The following DOCK2 variants were observed in gnomAD, a reference collection of about 807,000 sequenced individuals.
DOCK2 encodes dedicator of cytokinesis protein 2.
Under a neutral mutation model 248.9 loss-of-function variants are expected in DOCK2, and 87 were observed. The ratio of observed to expected loss-of-function variants is 0.35; its 90% CI spans 0.29 to 0.42. DOCK2 has a LOEUF of 0.42. DOCK2 is among the 10% of genes least tolerant of loss of function. The pLI, the probability that DOCK2 is intolerant of heterozygous loss-of-function variation, is 1.00. For missense variants in DOCK2, 1,747 were observed against 2,300.2 expected (o/e 0.76, Z 4.92); for synonymous variants, 805 against 821.6 (o/e 0.98, Z 0.35).
At chr5:169,925,128 A>G (rs971550758) in intron 27 of DOCK2, among the ~76,000 whole-genome samples, 3 of 151,736 alleles carry the variant, frequency 2.0e-5, no homozygotes, top group African/African-American at 7.3e-5. Context: ...TGTTCTTTTT[A>G]TGGAAGGCCA....
chr5:169,918,185 C>A (rs965173747), intron 27 of DOCK2, among the ~76,000 whole-genome samples: 1 of 152,192 alleles, frequency 6.6e-6, no homozygotes, highest in Non-Finnish European at 1.5e-5. Context: ...AATACAGAAA[C>A]CACATATGAT....
intron 22 of DOCK2, among the ~76,000 whole-genome samples, chr5:169,736,632 G>A (rs1274796473): frequency 1.3e-5 from 2 of 152,194 alleles, no homozygotes; most frequent in Non-Finnish European, 2.9e-5. Context: ...GGAATATAAA[G>A]ATGGTGAACA....
At chr5:169,988,998 A>G (rs569106966) in intron 29 of DOCK2, among the ~76,000 whole-genome samples, 6 of 152,330 alleles carry the variant, frequency 3.9e-5, no homozygotes, top group South Asian at 2.1e-4. Context: ...TGGACATTCC[A>G]ACTAACTTTT....
intron 22 of DOCK2, among the ~76,000 whole-genome samples, chr5:169,738,735 A>G (rs1459057710): frequency 6.6e-6 from 1 of 152,226 alleles, no homozygotes; most frequent in Admixed American, 6.5e-5. Flanking sequence ...GAAGCCAGAT[A>G]AGAATCCTGG....
At chr5:169,946,120 G>A (rs1184793932) in intron 27 of DOCK2, among the ~76,000 whole-genome samples, 1 of 152,190 alleles carries the variant, frequency 6.6e-6, no homozygotes, top group African/African-American at 2.4e-5. Flanking sequence ...TCTCAGCACA[G>A]CAAATATGAG....
intron 23 of DOCK2, among the ~76,000 whole-genome samples, chr5:169,748,962 G>A (rs993292512): frequency 1.3e-5 from 2 of 152,318 alleles, no homozygotes; most frequent in South Asian, 4.1e-4. Context: ...ATGTGCCTAA[G>A]GCTACATGCC....
chr5:170,005,405 T>A (rs902775259), intron 30 of DOCK2, among the ~76,000 whole-genome samples: 1 of 152,128 alleles, frequency 6.6e-6, no homozygotes, highest in Admixed American at 6.5e-5. Context: ...AAGACAGGAT[T>A]TGGGTACTTG....
intron 1 of DOCK2, among the ~76,000 whole-genome samples, chr5:169,646,778 T>A (rs1399770311): frequency 6.6e-6 from 1 of 152,254 alleles, no homozygotes; most frequent in African/African-American, 2.4e-5. Context: ...CAAAATGTGC[T>A]TATTTTACTC....
rs558998290 is a variant in DOCK2 at position 169,979,461 on chromosome 5, C to G, written c.2800-3607C>G. Among the ~76,000 whole-genome samples, 3 of 152,292 alleles carry G rather than the reference C, an allele frequency of 2.0e-5. No homozygotes were observed. In the East Asian group the frequency reaches 5.8e-4, roughly 29 times the overall value. ...AAAATGTTATTCCATGATTCTATCG[C>G]TGTATGACAAAAGAGGTGGTTTTTA... On this transcript the variant is annotated intron_variant, in intron 27 of 51. Coordinates refer to ENST00000520908, the MANE Select transcript of DOCK2 (RefSeq NM_004946.3).
intron 27 of DOCK2, among the ~76,000 whole-genome samples, chr5:169,889,010 T>C (rs143177778): frequency 3.9e-5 from 6 of 152,330 alleles, no homozygotes; most frequent in African/African-American, 1.4e-4. Flanking sequence ...TCTGCTGACT[T>C]CTAGCCTCTT....
At chr5:169,909,671 C>A (rs1039146601) in intron 27 of DOCK2, among the ~76,000 whole-genome samples, 2 of 152,156 alleles carry the variant, frequency 1.3e-5, no homozygotes, top group African/African-American at 4.8e-5. Context: ...CCCTCTAAAC[C>A]TATAATACAT....
At chr5:169,725,812 C>T (rs1581101028) in intron 22 of DOCK2, among the ~76,000 whole-genome samples, 3 of 152,274 alleles carry the variant, frequency 2.0e-5, no homozygotes, top group Admixed American at 6.5e-5. Flanking sequence ...CAGCTTCATT[C>T]ATGTCCCTGC....
chr5:169,900,617 C>A (rs1413133689), intron 27 of DOCK2, among the ~76,000 whole-genome samples: 3 of 152,174 alleles, frequency 2.0e-5, no homozygotes, highest in African/African-American at 7.2e-5. Context: ...AGAGTATTGA[C>A]TCCTTCATGC....
chr5:169,638,170 G>A lies in DOCK2; in HGVS notation c.43+801G>A, dbSNP rs1036112645. On this transcript the variant is annotated intron_variant, in intron 1 of 51. Coordinates refer to ENST00000520908, the MANE Select transcript of DOCK2 (RefSeq NM_004946.3). ...TCACTCTGGAGCTTCCTACACAGGC[G>A]GATACCAGACACCATCTCAGAGATA... is the stretch of plus-strand genomic sequence containing the variant. Among the ~76,000 whole-genome samples the A allele has an allele frequency of 2.6e-5, 4 of 152,096 alleles. No homozygotes were observed. In the East Asian group the frequency reaches 7.7e-4, roughly 29 times the overall value.
chr5:169,891,966 A>G (rs1773313893), intron 27 of DOCK2, among the ~76,000 whole-genome samples: 1 of 150,466 alleles, frequency 6.6e-6, no homozygotes, highest in African/African-American at 2.4e-5. Flanking sequence ...ATTGCACTCC[A>G]GCCTGGGCAA....
At chr5:169,824,307 A>G (rs1768690304) in intron 26 of DOCK2, among the ~76,000 whole-genome samples, 1 of 152,236 alleles carries the variant, frequency 6.6e-6, no homozygotes, top group South Asian at 2.1e-4. Context: ...AAGAGCCTGC[A>G]TTTCCAAGAT....
At chr5:170,015,357 A>T (rs374405980) in intron 32 of DOCK2, among the ~76,000 whole-genome samples, 1 of 152,174 alleles carries the variant, frequency 6.6e-6, no homozygotes, top group Non-Finnish European at 1.5e-5. Flanking sequence ...AGGGAGTGGC[A>T]GTGGCAGGAC....
chr5:169,670,740 T>G (rs1459903393), intron 4 of DOCK2, 143 bp downstream of exon 4: 17 of 970,516 alleles, frequency 1.8e-5, no homozygotes, highest in Non-Finnish European at 2.6e-5. Context: ...GGGTCTCCTT[T>G]CCGTTACTCA....
intron 26 of DOCK2, among the ~76,000 whole-genome samples, chr5:169,840,438 A>G (rs949090807): frequency 6.6e-6 from 1 of 152,142 alleles, no homozygotes; most frequent in Non-Finnish European, 1.5e-5. Context: ...AACTTAACCA[A>G]TGCAGTACTA....
Sources: gnomAD v4.1 joint callset for allele counts (sites outside exome capture counted in the v4.1 genomes callset) on GRCh38, gnomAD v4.1.1 for gene constraint, MANE v1.5 for transcripts, NCBI Gene and HGNC (gene_info 2026-07-23, HGNC 2026-07-21) for gene names.